ANKS1B: variants seen among roughly 807,000 people sequenced by gnomAD.
The protein encoded by ANKS1B is ankyrin repeat and sterile alpha motif domain containing 1B.
Under a neutral mutation model 148.3 loss-of-function variants are expected in ANKS1B, and 36 were observed. That is an observed-to-expected ratio of 0.24 (90% CI 0.19 to 0.32). The LOEUF is 0.32. Ranked by LOEUF, ANKS1B falls within the 10% of genes least tolerant of loss-of-function variation. The probability of loss-of-function intolerance (pLI) is 1.00; values close to 1 mark genes in which losing one functional copy is unlikely to be tolerated. For synonymous variants in ANKS1B, 542 were observed against 560.8 expected, an observed-to-expected ratio of 0.97 and a Z score of 0.47; for missense variants, 1,157 against 1,542.6, an observed-to-expected ratio of 0.75 and a Z score of 4.19.
chr12:98,932,905 T>A (rs1430166854), intron 17 of ANKS1B, among the ~76,000 whole-genome samples: 1 of 152,218 alleles, frequency 6.6e-6, no homozygotes, highest in African/African-American at 2.4e-5. Context: ...CTCCTTAAAG[T>A]TAGTTTTTAT....
At chr12:99,462,369 T>G (rs756851216) in intron 10 of ANKS1B, among the ~76,000 whole-genome samples, 1 of 152,182 alleles carries the variant, frequency 6.6e-6, no homozygotes. Context: ...TGAAGAGTCA[T>G]CCCAGTTTCA....
intron 4 of ANKS1B, among the ~76,000 whole-genome samples, 200 bp downstream of exon 4, chr12:99,806,204 T>A (rs2067623605): frequency 6.6e-6 from 1 of 152,182 alleles, no homozygotes; most frequent in African/African-American, 2.4e-5. Context: ...AGCCCTCAAA[T>A]TAGAATGAGG....
At chr12:99,326,381 G>A (rs903376782) in intron 12 of ANKS1B, among the ~76,000 whole-genome samples, 1 of 152,006 alleles carries the variant, frequency 6.6e-6, no homozygotes, top group African/African-American at 2.4e-5. Context: ...CTTCACCAGA[G>A]AGTACTCCTC....
intron 10 of ANKS1B, among the ~76,000 whole-genome samples, chr12:99,483,533 C>T (rs1486500569): frequency 6.6e-6 from 1 of 151,704 alleles, no homozygotes; most frequent in Non-Finnish European, 1.5e-5. Context: ...GGAAGGATTC[C>T]CTCTTTCTTA....
chr12:99,700,533 C>A (rs1195606823), intron 8 of ANKS1B, among the ~76,000 whole-genome samples: 1 of 152,142 alleles, frequency 6.6e-6, no homozygotes, highest in African/African-American at 2.4e-5. Flanking sequence ...TCCTTCTTTA[C>A]AATTTCATGA....
At chr12:99,163,461 T>C (rs1413697949) in intron 14 of ANKS1B, among the ~76,000 whole-genome samples, 5 of 118,828 alleles carry the variant, frequency 4.2e-5, no homozygotes, top group Non-Finnish European at 5.2e-5. Context: ...GTGTTTTACA[T>C]GCACTCTGTG....
chr12:99,135,268 G>T (rs868662220), intron 15 of ANKS1B, among the ~76,000 whole-genome samples: 2 of 152,132 alleles, frequency 1.3e-5, no homozygotes, highest in African/African-American at 2.4e-5. Context: ...AAGGATAAAA[G>T]ACATGGAGGA....
chr12:99,679,708 T>A (rs1044818236), intron 8 of ANKS1B, among the ~76,000 whole-genome samples: 27 of 152,312 alleles, frequency 1.8e-4, no homozygotes, highest in African/African-American at 4.8e-4. Flanking sequence ...ATCAAATTCT[T>A]AACTGTAACA....
intron 8 of ANKS1B, among the ~76,000 whole-genome samples, chr12:99,683,864 C>T (rs1291082167): frequency 6.6e-6 from 1 of 151,460 alleles, no homozygotes; most frequent in African/African-American, 2.4e-5. Flanking sequence ...GAATTAAAAA[C>T]ATCATCTCAA....
At chr12:98,966,728 T>C (rs1272271166) in intron 17 of ANKS1B, among the ~76,000 whole-genome samples, 1 of 151,970 alleles carries the variant, frequency 6.6e-6, no homozygotes, top group East Asian at 1.9e-4. Context: ...CATGAGTTCA[T>C]GTCCTTTGTA....
intron 17 of ANKS1B, among the ~76,000 whole-genome samples, chr12:98,879,244 C>G (rs2099700089): frequency 6.6e-6 from 1 of 152,188 alleles, no homozygotes; most frequent in Non-Finnish European, 1.5e-5. Flanking sequence ...AATTGAGCAC[C>G]TACAAACTGT....
downstream of ANKS1B, among the ~76,000 whole-genome samples, chr12:98,741,462 C>A (rs780408542): frequency 6.6e-6 from 1 of 152,180 alleles, no homozygotes; most frequent in Admixed American, 6.5e-5. Flanking sequence ...CAAAACCCAA[C>A]GATTTTGCGT....
chr12:99,668,645 T>G (rs79964389), intron 8 of ANKS1B, among the ~76,000 whole-genome samples: 5,294 of 152,140 alleles, frequency 0.035, 341 homozygotes, highest in African/African-American at 0.12. Context: ...GTTTTTGTCA[T>G]GCTTTGCATT....
intron 8 of ANKS1B, among the ~76,000 whole-genome samples, chr12:99,668,097 A>G (rs1567604154): frequency 6.6e-6 from 1 of 152,204 alleles, no homozygotes; most frequent in Non-Finnish European, 1.5e-5. Flanking sequence ...GGATTTCACC[A>G]GTAAACCACC....
intron 17 of ANKS1B, among the ~76,000 whole-genome samples, chr12:98,926,042 C>T (rs914621509): frequency 1.3e-5 from 2 of 151,994 alleles, no homozygotes; most frequent in African/African-American, 4.8e-5. Flanking sequence ...TCTAGAAGGC[C>T]ATGCACATAT....
At chr12:99,424,906 T>C (rs989901484) in intron 11 of ANKS1B, among the ~76,000 whole-genome samples, 2 of 152,016 alleles carry the variant, frequency 1.3e-5, no homozygotes, top group African/African-American at 4.8e-5. Context: ...CAACCACTCA[T>C]AGACTGCTAA....
chr12:99,897,191 T>A (rs566685906), intron 1 of ANKS1B, among the ~76,000 whole-genome samples: 12 of 151,380 alleles, frequency 7.9e-5, no homozygotes, highest in Admixed American at 3.3e-4. Context: ...CCTTGACACA[T>A]ACATATTTAT....
chr12:99,534,710 C>CTTT lies in ANKS1B; in HGVS notation c.1273-30072_1273-30070dup, dbSNP rs143251962. 2.2e-3 allele frequency among the ~76,000 whole-genome samples: 274 copies of CTTT among 123,808 alleles called. 2 individuals carry two copies. Among genetic ancestry groups the CTTT allele is most frequent in the African/African-American group, 7.7e-3 (250 of 32,584 alleles). 81.2% of individuals were successfully genotyped at this position (123,808 alleles called of 152,430 possible). On this transcript the variant is annotated intron_variant, in intron 9 of 26. Transcript: ENST00000683438. The stretch of plus-strand genomic sequence containing the variant: ...AAACTTTTTTTTTCTTTTTTCTTTT[C>CTTT]TTTTTTTTTTTTTTTTTGAGATGGA...
chr12:98,938,370 C>A (rs909130059), intron 17 of ANKS1B, among the ~76,000 whole-genome samples: 1 of 152,142 alleles, frequency 6.6e-6, no homozygotes, highest in Non-Finnish European at 1.5e-5. Context: ...TGGTTTTCAA[C>A]CCCGGGAGCT....
Sources: gnomAD v4.1 joint callset for allele counts (sites outside exome capture counted in the v4.1 genomes callset) on GRCh38, gnomAD v4.1.1 for gene constraint, MANE v1.5 for transcripts, NCBI Gene and HGNC (gene_info 2026-07-23, HGNC 2026-07-21) for gene names.